ATXN10: variants seen among roughly 807,000 people sequenced by gnomAD.
ATXN10 encodes ataxin 10.
ATXN10 carries 28 observed loss-of-function variants against 52.9 expected under a neutral mutation model. The observed-to-expected ratio is 0.53, with a 90% CI of 0.39 to 0.73. ATXN10 has a LOEUF of 0.73. ATXN10 is among the 30% of genes least tolerant of loss of function. The pLI is 0.00. For missense variants in ATXN10, 565 were observed against 577.0 expected (o/e 0.98, Z 0.21); for synonymous variants, 226 against 221.5 (o/e 1.02, Z -0.18).
rs1450202242 is a variant in ATXN10 at position 45,683,611 on chromosome 22, A to G, written c.117-6101A>G. On this transcript the variant is annotated intron_variant, in intron 1 of 11. Transcript: ENST00000252934. This position sits in a 1 kb window ranked among gnomAD's most constrained non-coding sequence, Gnocchi z 4.8. ...TAAAATAAGGTTTAAATAATATCTT[A>G]TGTACAAAATCTTTCTCTAAGCATG... Among the ~76,000 whole-genome samples, 1 of 152,162 alleles carries G rather than the reference A, an allele frequency of 6.6e-6. No homozygotes were observed. Among genetic ancestry groups the G allele is most frequent in the Non-Finnish European group, 1.5e-5 (1 of 68,030 alleles).
chr22:45,747,076 T>C (rs1925759689), intron 9 of ATXN10, among the ~76,000 whole-genome samples: 1 of 152,214 alleles, frequency 6.6e-6, no homozygotes, highest in African/African-American at 2.4e-5. Flanking sequence ...TTGTCTTTCA[T>C]GAAACCCATC....
At position 45,812,851 on chromosome 22, in the gene ATXN10, C is replaced by T. The variant is rs1928328210; in HGVS notation, c.1237+5829C>T. ...GCAGTCAGGACTGTATAGAACATTC[C>T]ACTTTTGTCGGCCACCCTACGGGTT... On this transcript the variant is annotated intron_variant, in intron 10 of 11. Coordinates refer to ENST00000252934, the MANE Select transcript of ATXN10 (RefSeq NM_013236.4). Among the ~76,000 whole-genome samples, 3 of 152,274 alleles carry T rather than the reference C, an allele frequency of 2.0e-5. No individual in the cohort carries two copies. The South Asian group carries it at 6.2e-4, about 32-fold the overall frequency.
At position 45,843,273 on chromosome 22, in the gene ATXN10, A is replaced by G; in HGVS notation, c.1425+95A>G. ...CAAGCACGAGGCTCTTTGTAAGAAT[A>G]TGGATGGGAGAATTGTGCCCTCTAT... is the stretch of plus-strand genomic sequence containing the variant. On this transcript the variant is annotated intron_variant, in intron 11 of 11. Transcript: ENST00000252934. The surrounding 1 kb of genome is among the most constrained non-coding windows in gnomAD (Gnocchi z 4.5). The G allele has an allele frequency of 7.4e-7, 1 of 1,348,782 alleles. No homozygotes were observed. Among genetic ancestry groups the G allele is most frequent in the Non-Finnish European group, 1.1e-6 (1 of 949,962 alleles). The allele number at this position is 1,348,782 out of a possible 1,614,324, so 83.6% of individuals were successfully genotyped here. A position where few individuals can be genotyped will look rare whatever the true frequency, so the allele number is the denominator to read the frequency against.
rs1216972213 is a variant in ATXN10 at position 45,784,980 on chromosome 22, A to G, written c.1174-21979A>G. ...TGAAGTATGACATTGTAGATGATGC[A>G]TTATGGGTGGGGATTGCACCCCAAG... On this transcript the variant is annotated intron_variant, in intron 9 of 11. Transcript: ENST00000252934. The surrounding 1 kb of genome is among the most constrained non-coding windows in gnomAD (Gnocchi z 4.2). Among the ~76,000 whole-genome samples the G allele has an allele frequency of 6.6e-6, 1 of 152,206 alleles. No homozygotes were observed. Among genetic ancestry groups the G allele is most frequent in the Non-Finnish European group, 1.5e-5 (1 of 68,032 alleles).
chr22:45,767,625 T>C (rs1926631223), intron 9 of ATXN10, among the ~76,000 whole-genome samples: 1 of 152,080 alleles, frequency 6.6e-6, no homozygotes, highest in Non-Finnish European at 1.5e-5. Context: ...ATCAGGTATA[T>C]GTTTTACTTA....
At chr22:45,700,399 T>A in intron 4 of ATXN10, 21 bp downstream of exon 4, 1 of 1,567,946 alleles carries the variant, frequency 6.4e-7, no homozygotes, top group Non-Finnish European at 8.8e-7. Context: ...TGATAAGCAT[T>A]TTTCTAACTT....
rs1338289061 is a variant in ATXN10, at chr22:45,820,334, A to C, written c.1237+13312A>C. 1.3e-5 allele frequency among the ~76,000 whole-genome samples: 2 copies of C among 152,228 alleles called. No individual in the cohort carries two copies. Among genetic ancestry groups the C allele is most frequent in the Non-Finnish European group, 2.9e-5 (2 of 68,048 alleles). ...GTTGGAGAAACAGGCCATTGTGATA[A>C]TACAGGACAGAACGCTAAGGGGTGG... On this transcript the variant is annotated intron_variant, in intron 10 of 11. Transcript: ENST00000252934. The surrounding 1 kb of genome is among the most constrained non-coding windows in gnomAD (Gnocchi z 4.9).
chr22:45,793,994 C>A (rs1217644830), intron 9 of ATXN10, among the ~76,000 whole-genome samples: 1 of 152,238 alleles, frequency 6.6e-6, no homozygotes, highest in Non-Finnish European at 1.5e-5. Context: ...TTTATACCCA[C>A]TTTTAACTAT....
At chr22:45,758,370 A>G (rs1022798630) in intron 9 of ATXN10, among the ~76,000 whole-genome samples, 5 of 152,198 alleles carry the variant, frequency 3.3e-5, no homozygotes, top group African/African-American at 1.2e-4. Flanking sequence ...ACTCAGAAAA[A>G]CCAGTTTTAC....
chr22:45,748,375 CTCATAT>C (rs1925818946), intron 9 of ATXN10, among the ~76,000 whole-genome samples: 1 of 152,136 alleles, frequency 6.6e-6, no homozygotes, highest in African/African-American at 2.4e-5. Context: ...CAAAGTAAAC[CTCATAT>C]TCTGCATTCT....
In ATXN10 at chr22:45,818,603, G is replaced by A. The variant is rs136019; in HGVS notation, c.1237+11581G>A. ...CCTCGCTTTCAGCGGACCGGGGCAG[G>A]GATCAGGGATCAACAGCCTGGGGCA... On this transcript the variant is annotated intron_variant, in intron 10 of 11. Transcript: ENST00000252934. The surrounding 1 kb of genome is among the most constrained non-coding windows in gnomAD (Gnocchi z 4.6). 0.046 allele frequency among the ~76,000 whole-genome samples: 6,922 copies of A among 152,106 alleles called. 445 individuals are homozygous for A. The highest frequency in any genetic ancestry group is 0.15 in the African/African-American group (6,221 of 41,412).
intron 6 of ATXN10, among the ~76,000 whole-genome samples, chr22:45,722,660 G>A (rs889683720): frequency 6.6e-5 from 10 of 152,172 alleles, no homozygotes; most frequent in African/African-American, 2.4e-4. Context: ...AAGGCAGTGT[G>A]TGCTTCTACT....
At chr22:45,739,522 T>G (rs1254241602) in intron 8 of ATXN10, among the ~76,000 whole-genome samples, 1 of 152,230 alleles carries the variant, frequency 6.6e-6, no homozygotes, top group African/African-American at 2.4e-5. Flanking sequence ...AGGAAGATCC[T>G]TAGAATTCCT....
rs1928884382 is a variant in ATXN10, at chr22:45,828,335, TAAG to T, written c.1238-14653_1238-14651del. Among the ~76,000 whole-genome samples the T allele has an allele frequency of 6.6e-6, 1 of 150,414 alleles. No individual in the cohort carries two copies. The highest frequency in any genetic ancestry group is 1.5e-5 in the Non-Finnish European group (1 of 67,574). On this transcript the variant is annotated intron_variant, in intron 10 of 11. Coordinates refer to ENST00000252934, the MANE Select transcript of ATXN10 (RefSeq NM_013236.4). This position sits in a 1 kb window ranked among gnomAD's most constrained non-coding sequence, Gnocchi z 4.5. ...AGCTATAAATGCTTACATTAAAAAA[TAAG>T]AAAGTTCAAAGAACTAGATAAGGAC...
At chr22:45,761,426 ATGAATATTTT>A (rs1247952423) in intron 9 of ATXN10, among the ~76,000 whole-genome samples, 3 of 152,226 alleles carry the variant, frequency 2.0e-5, no homozygotes, top group Non-Finnish European at 4.4e-5. Context: ...GGATGAACAA[ATGAATATTTT>A]TAAATCTGTT....
At chr22:45,694,603 GA>G (rs1229157422) in intron 3 of ATXN10, among the ~76,000 whole-genome samples, 2 of 152,076 alleles carry the variant, frequency 1.3e-5, no homozygotes, top group African/African-American at 4.8e-5. Context: ...CCAACATGGT[GA>G]AACCCCCTCT....
intron 6 of ATXN10, among the ~76,000 whole-genome samples, chr22:45,719,520 AAG>A (rs1056226383): frequency 6.6e-6 from 1 of 152,044 alleles, no homozygotes; most frequent in Non-Finnish European, 1.5e-5. Flanking sequence ...TTTGACCTAA[AAG>A]AGATAATACG....
chr22:45,742,775 T>C (rs540476675), intron 9 of ATXN10, among the ~76,000 whole-genome samples: 2 of 152,340 alleles, frequency 1.3e-5, no homozygotes, highest in East Asian at 1.9e-4. Context: ...CTTGCACTTT[T>C]AGTATATGGG....
At chr22:45,814,416 A>G (rs1248404513) in intron 10 of ATXN10, among the ~76,000 whole-genome samples, 2 of 152,242 alleles carry the variant, frequency 1.3e-5, no homozygotes, top group Non-Finnish European at 2.9e-5. Context: ...ATCCACAACA[A>G]GTAACCACTA....
Sources: gnomAD v4.1 joint callset for allele counts (sites outside exome capture counted in the v4.1 genomes callset) on GRCh38, gnomAD v4.1.1 for gene constraint, Gnocchi (gnomAD v3.1) non-coding constraint, MANE v1.5 for transcripts, NCBI Gene and HGNC (gene_info 2026-07-23, HGNC 2026-07-21) for gene names.